ZNF503: variants seen among roughly 807,000 people sequenced by gnomAD.
ZNF503 encodes the protein zinc finger protein 503.
ZNF503 carries 15 observed loss-of-function variants against 34.4 expected under a neutral mutation model. The ratio of observed to expected loss-of-function variants is 0.44; its 90% CI spans 0.29 to 0.67. The LOEUF is 0.67. ZNF503 is among the 30% of genes least tolerant of loss of function. ZNF503 has a pLI of 0.13. For missense variants in ZNF503, 1,007 were observed against 926.8 expected, an observed-to-expected ratio of 1.09 and a Z score of -1.12; for synonymous variants, 580 against 456.8, an observed-to-expected ratio of 1.27 and a Z score of -3.44.
chr10:75,395,935 C>T (rs1032924856), downstream of ZNF503, among the ~76,000 whole-genome samples: 4 of 152,116 alleles, frequency 2.6e-5, no homozygotes, highest in African/African-American at 7.2e-5. The surrounding 1 kb of genome is among the most constrained non-coding windows in gnomAD (Gnocchi z 4.4). Flanking sequence ...TGTCTAGGTC[C>T]TTCCGGGCCG....
At chr10:75,365,908 C>T in the ZNF503 span, among the ~76,000 whole-genome samples, 1 of 152,172 alleles carries the variant, frequency 6.6e-6, no homozygotes, top group Non-Finnish European at 1.5e-5. Context: ...GCTCTGGGAA[C>T]ATAAGGGAGG....
chr10:75,333,390 G>A, the ZNF503 span, among the ~76,000 whole-genome samples: 2 of 49,374 alleles, frequency 4.1e-5, no homozygotes, highest in Non-Finnish European at 3.9e-5. Context: ...CCCGGACGGG[G>A]CGGCTGGCCG....
the ZNF503 span, among the ~76,000 whole-genome samples, chr10:75,319,517 T>C: frequency 6.6e-6 from 1 of 152,150 alleles, no homozygotes; most frequent in Non-Finnish European, 1.5e-5. Flanking sequence ...AAACACCCTA[T>C]AGTTAAGTTA....
chr10:75,320,449 C>A, the ZNF503 span, among the ~76,000 whole-genome samples: 1 of 151,846 alleles, frequency 6.6e-6, no homozygotes, highest in African/African-American at 2.4e-5. Context: ...CCACTGCACT[C>A]CAGCACGGGC....
the ZNF503 span, chr10:75,296,772 A>G: frequency 1.3e-5 from 2 of 152,342 alleles, no homozygotes; most frequent in African/African-American, 4.8e-5. Flanking sequence ...GGGGAGGGAG[A>G]GAGAGAGAAG....
At chr10:75,346,473 C>T in the ZNF503 span, among the ~76,000 whole-genome samples, 73 of 151,004 alleles carry the variant, frequency 4.8e-4, no homozygotes, top group African/African-American at 1.7e-3. Flanking sequence ...CTCTGTCACC[C>T]GGGACAGAGT....
the ZNF503 span, among the ~76,000 whole-genome samples, chr10:75,317,855 G>A: frequency 6.6e-6 from 1 of 151,226 alleles, no homozygotes; most frequent in Admixed American, 6.6e-5. Context: ...AATTAGCTGG[G>A]CATGATGGCA....
At chr10:75,379,488 C>T in the ZNF503 span, among the ~76,000 whole-genome samples, 1 of 152,224 alleles carries the variant, frequency 6.6e-6, no homozygotes, top group African/African-American at 2.4e-5. Flanking sequence ...TTCATTACCA[C>T]AATCACAAAA....
At chr10:75,401,909 C>T (rs1194723681), upstream of ZNF503, 3 of 188,568 alleles carry the variant, frequency 1.6e-5, no homozygotes, top group Non-Finnish European at 3.2e-5. Flanking sequence ...GCTGCCAGGA[C>T]TCTCAGTGCC....
At chr10:75,386,643 C>G in the ZNF503 span, among the ~76,000 whole-genome samples, 1 of 152,206 alleles carries the variant, frequency 6.6e-6, no homozygotes, top group Non-Finnish European at 1.5e-5. Flanking sequence ...TATCCAGTCT[C>G]TCATTGTTCC....
At chr10:75,280,127 C>T in the ZNF503 span, 1 of 151,844 alleles carries the variant, frequency 6.6e-6, no homozygotes, top group East Asian at 1.9e-4. Flanking sequence ...AGAACTTGTA[C>T]AAGCCAAAAG....
chr10:75,360,422 G>C, the ZNF503 span, among the ~76,000 whole-genome samples: 6 of 152,034 alleles, frequency 3.9e-5, no homozygotes, highest in Non-Finnish European at 5.9e-5. Context: ...CACCGTGACC[G>C]GCCTGGGGGC....
the ZNF503 span, among the ~76,000 whole-genome samples, chr10:75,345,940 C>T: frequency 0.024 from 3,643 of 152,266 alleles, 147 homozygotes; most frequent in African/African-American, 0.083. Context: ...AGCACAAGAG[C>T]GTCACTTGCT....
chr10:75,354,631 G>C, the ZNF503 span, among the ~76,000 whole-genome samples: 1 of 152,050 alleles, frequency 6.6e-6, no homozygotes, highest in African/African-American at 2.4e-5. Flanking sequence ...GATCACTTGA[G>C]CCCAGGAGGT....
At chr10:75,357,909 C>T in the ZNF503 span, among the ~76,000 whole-genome samples, 3 of 152,158 alleles carry the variant, frequency 2.0e-5, no homozygotes, top group African/African-American at 7.2e-5. Context: ...CATTCTGCAG[C>T]CTGAGTCTCC....
chr10:75,400,952 T>C, intron 1 of ZNF503, 153 bp downstream of exon 1: 1 of 1,139,126 alleles, frequency 8.8e-7, no homozygotes, highest in Non-Finnish European at 1.2e-6. Flanking sequence ...TTTTCCGCCC[T>C]AGTTTTGAGG....
chr10:75,399,068 G>A lies in ZNF503; in HGVS notation c.1622C>T (p.Thr541Ile). The change falls in exon 2 of 2, where the codon ACC (threonine) becomes ATC (isoleucine). Residue 541 changes from threonine to isoleucine, a missense_variant. Thr to Ile is a moderately conservative substitution (Grantham distance 89, BLOSUM62 -1). Coordinates refer to ENST00000372524, the MANE Select transcript of ZNF503 (RefSeq NM_032772.6). ...TSEELLSHLR[T>I]HTAFPGTDKL... ...GTCTGTCCCGGGAAATGCCGTATGG[G>A]TCCGCAAGTGGCTCAGCAGCTCTTC... The A allele has an allele frequency of 1.2e-6, 2 of 1,613,502 alleles. No individual in the cohort carries two copies. Among genetic ancestry groups the A allele is most frequent in the Non-Finnish European group, 1.7e-6 (2 of 1,179,850 alleles).
In ZNF503 at chr10:75,399,809, A is replaced by G; in HGVS notation, c.881T>C (p.Val294Ala). ...ISCGGGINVD[V>A]NQHPDGGPGG... is the part of the protein sequence containing the mutation. ...CGGGCCCCCATCCGGATGCTGGTTC[A>G]CATCCACATTAATCCCGCCGCCGCA... is the stretch of plus-strand genomic sequence containing the variant. Residue 294 changes from valine (V) to alanine (A), a missense_variant, in exon 2 of 2, where the codon GTG (valine) becomes GCG (alanine). Coordinates refer to ENST00000372524, the MANE Select transcript of ZNF503 (RefSeq NM_032772.6). 1 of 1,603,058 alleles carries G rather than the reference A, an allele frequency of 6.2e-7. No individual in the cohort carries two copies. Among genetic ancestry groups the G allele is most frequent in the Non-Finnish European group, 8.5e-7 (1 of 1,176,836 alleles).
chr10:75,356,279 C>T, the ZNF503 span, among the ~76,000 whole-genome samples: 1 of 152,170 alleles, frequency 6.6e-6, no homozygotes. Context: ...TGCAGTGGCG[C>T]AATCTCAGCT....
Sources: allele counts gnomAD v4.1 joint callset (sites outside exome capture counted in the v4.1 genomes callset), GRCh38; gene constraint gnomAD v4.1.1; non-coding constraint Gnocchi (gnomAD v3.1); transcripts MANE v1.5; gene names NCBI Gene and HGNC (gene_info 2026-07-23, HGNC 2026-07-21).